The following SLCO3A1 variants were observed in gnomAD, a reference collection of about 807,000 sequenced individuals.
The protein encoded by SLCO3A1 is PGE1 transporter.
Under a neutral mutation model 63.1 loss-of-function variants are expected in SLCO3A1, and 27 were observed. That is an observed-to-expected ratio of 0.43 (90% CI 0.32 to 0.59). SLCO3A1 has a LOEUF of 0.59. Ranked by LOEUF, SLCO3A1 falls within the 20% of genes least tolerant of loss-of-function variation. The pLI is 0.09. For missense variants in SLCO3A1, 773 were observed against 945.8 expected, an observed-to-expected ratio of 0.82 and a Z score of 2.40; for synonymous variants, 473 against 409.9, an observed-to-expected ratio of 1.15 and a Z score of -1.86.
intron 2 of SLCO3A1, among the ~76,000 whole-genome samples, chr15:92,074,898 T>C (rs888231016): frequency 7.2e-5 from 11 of 152,166 alleles, no homozygotes; most frequent in African/African-American, 2.7e-4. Context: ...ACCCGTGGCA[T>C]AGAGCCAACA....
At position 91,916,465 on chromosome 15, in the gene SLCO3A1, G is replaced by A; in HGVS notation, c.646+7G>A. The A allele has an allele frequency of 1.9e-6, 3 of 1,583,654 alleles. No individual in the cohort carries two copies. Among genetic ancestry groups the A allele is most frequent in the Non-Finnish European group, 2.6e-6 (3 of 1,165,182 alleles). On this transcript the variant is annotated splice_region_variant and intron_variant, in intron 2 of 9. Transcript: ENST00000318445. The surrounding 1 kb of genome is among the most constrained non-coding windows in gnomAD (Gnocchi z 6.2). ...GACTCCTCGCTCTATATAGGTAGGA[G>A]CTGCCCCAGCCGTATTAGCAAGAGA...
intron 2 of SLCO3A1, among the ~76,000 whole-genome samples, chr15:91,990,845 T>G (rs1042275023): frequency 6.6e-6 from 1 of 152,090 alleles, no homozygotes; most frequent in Non-Finnish European, 1.5e-5. Flanking sequence ...GGAGAGGAAT[T>G]TGCATGTGTG....
chr15:91,925,206 T>C (rs756125079), intron 2 of SLCO3A1, among the ~76,000 whole-genome samples: 4 of 152,234 alleles, frequency 2.6e-5, no homozygotes, highest in Non-Finnish European at 5.9e-5. Flanking sequence ...GTTAAGACTG[T>C]TTACTTTTCT....
At chr15:91,944,938 C>T (rs1056732906) in intron 2 of SLCO3A1, among the ~76,000 whole-genome samples, 1 of 152,154 alleles carries the variant, frequency 6.6e-6, no homozygotes, top group African/African-American at 2.4e-5. Context: ...AACTTTTCTC[C>T]AATATTCTCT....
At chr15:91,864,875 TC>T (rs1472394927) in intron 1 of SLCO3A1, among the ~76,000 whole-genome samples, 1 of 152,190 alleles carries the variant, frequency 6.6e-6, no homozygotes, top group Non-Finnish European at 1.5e-5. Context: ...TTTGTTTTCT[TC>T]CTACCTCCCT....
At chr15:91,955,574 C>A (rs1406022759) in intron 2 of SLCO3A1, among the ~76,000 whole-genome samples, 1 of 152,126 alleles carries the variant, frequency 6.6e-6, no homozygotes, top group Non-Finnish European at 1.5e-5. Flanking sequence ...CTCAGGTAAT[C>A]CACCGCCTCA....
At chr15:92,029,951 A>C (rs897406048) in intron 2 of SLCO3A1, among the ~76,000 whole-genome samples, 1 of 152,120 alleles carries the variant, frequency 6.6e-6, no homozygotes, top group African/African-American at 2.4e-5. Context: ...AGCTGCTAAG[A>C]ATTGCAGCCT....
At chr15:92,157,432 C>A (rs552262869) in intron 9 of SLCO3A1, among the ~76,000 whole-genome samples, 5 of 152,102 alleles carry the variant, frequency 3.3e-5, no homozygotes, top group Non-Finnish European at 7.3e-5. Context: ...TGGCCCCCCC[C>A]CTTGTCCTCC....
At chr15:92,107,416 C>T (rs56410144) in intron 4 of SLCO3A1, among the ~76,000 whole-genome samples, 297 of 151,648 alleles carry the variant, frequency 2.0e-3, no homozygotes, top group African/African-American at 7.0e-3. Context: ...CATGTTTTTG[C>T]TATACGAGCT....
At chr15:92,088,216 G>A (rs757406182) in intron 2 of SLCO3A1, among the ~76,000 whole-genome samples, 17 of 152,142 alleles carry the variant, frequency 1.1e-4, no homozygotes, top group Non-Finnish European at 1.9e-4. Flanking sequence ...AACAAACAGC[G>A]AACTTACTGT....
At chr15:92,146,340 A>G (rs547001752) in intron 7 of SLCO3A1, among the ~76,000 whole-genome samples, 1 of 152,298 alleles carries the variant, frequency 6.6e-6, no homozygotes, top group Non-Finnish European at 1.5e-5. Flanking sequence ...CTGATCATAT[A>G]TTAATAAATG....
intron 2 of SLCO3A1, among the ~76,000 whole-genome samples, chr15:91,963,412 G>GAGGGT (rs55961800): frequency 5.2e-5 from 3 of 58,228 alleles, no homozygotes; most frequent in Non-Finnish European, 9.8e-5. Flanking sequence ...GGAGGGTGGG[G>GAGGGT]GGGGGGGGCG....
intron 2 of SLCO3A1, among the ~76,000 whole-genome samples, chr15:92,085,620 A>G (rs1436629176): frequency 6.6e-6 from 1 of 152,254 alleles, no homozygotes; most frequent in African/African-American, 2.4e-5. Context: ...ACGCATGTGC[A>G]TACGTGTGTA....
At position 92,012,765 on chromosome 15, in the gene SLCO3A1, G is replaced by T. The variant is rs911815039; in HGVS notation, c.647-82116G>T. ...TTTAAAAAAAAAAAAAAAAAAAAAG[G>T]CTCAGACGAGGCTTAACTCTAGGCC... On this transcript the variant is annotated intron_variant, in intron 2 of 9. Transcript: ENST00000318445. 2.1e-5 allele frequency among the ~76,000 whole-genome samples: 3 copies of T among 141,628 alleles called. No individual in the cohort carries two copies. The East Asian group carries it at 6.2e-4, about 29-fold the overall frequency. 92.9% of individuals were successfully genotyped at this position (141,628 alleles called of 152,430 possible).
chr15:92,121,873 G>T (rs1016578652), intron 5 of SLCO3A1, among the ~76,000 whole-genome samples: 1 of 152,224 alleles, frequency 6.6e-6, no homozygotes, highest in African/African-American at 2.4e-5. Context: ...AAATGTCTCT[G>T]TTGGCTTTAA....
chr15:92,165,238 G>GTGTT lies in SLCO3A1; in HGVS notation c.*2104_*2107dup, dbSNP rs150132574. ...CTGAGACAGGCCTTTCAACTGCTTA[G>GTGTT]TGTTAGTATGTCCTTGCTTATGAAA... is the stretch of plus-strand genomic sequence containing the variant. On this transcript the variant is annotated 3_prime_UTR_variant, in exon 10 of 10. Transcript: ENST00000318445. 2.3e-3 allele frequency: 2,239 copies of GTGTT among 985,380 alleles called. 39 individuals are homozygous for GTGTT. In the African/African-American group the frequency reaches 0.036, roughly 16 times the overall value. 61.0% of individuals were successfully genotyped at this position (985,380 alleles called of 1,614,324 possible).
At chr15:91,961,142 T>C (rs1179398881) in intron 2 of SLCO3A1, among the ~76,000 whole-genome samples, 2 of 152,244 alleles carry the variant, frequency 1.3e-5, no homozygotes, top group East Asian at 1.9e-4. Flanking sequence ...GATTTTTGAA[T>C]ACTTAGTTTA....
At position 92,163,069 on chromosome 15, in the gene SLCO3A1, T is replaced by A. The variant is rs751566295; in HGVS notation, c.2067T>A (p.His689Gln). The A allele has an allele frequency of 1.4e-5, 21 of 1,555,542 alleles. No homozygotes were observed. The South Asian group carries it at 2.6e-4, about 19-fold the overall frequency. ...GRDPVPANQT[H>Q]RTKFIYNLED... ...ACCCTGTGCCCGCAAACCAGACACATAGGACAAAGTTTATCTATAACCTGG... is the reference window on the plus strand; with the variant it reads ...ACCCTGTGCCCGCAAACCAGACACAAAGGACAAAGTTTATCTATAACCTGG... The change falls in exon 10 of 10, where the codon CAT becomes CAA. Residue 689 changes from histidine (H) to glutamine (Q), a missense_variant. Transcript: ENST00000318445.
intron 7 of SLCO3A1, among the ~76,000 whole-genome samples, chr15:92,139,414 C>G (rs1408610753): frequency 3.3e-5 from 5 of 152,020 alleles, no homozygotes; most frequent in African/African-American, 7.3e-5. Flanking sequence ...CAATGTTCAT[C>G]AAGGATATTG....
Sources: gnomAD v4.1 joint callset for allele counts (sites outside exome capture counted in the v4.1 genomes callset) on GRCh38, gnomAD v4.1.1 for gene constraint, Gnocchi (gnomAD v3.1) non-coding constraint, MANE v1.5 for transcripts, NCBI Gene and HGNC (gene_info 2026-07-23, HGNC 2026-07-21) for gene names.